The following HDAC1 variants were observed in gnomAD, a reference collection of about 807,000 sequenced individuals.
The protein encoded by HDAC1 is histone deacetylase 1, also known as protein deacetylase HDAC1.
In HDAC1, 18 loss-of-function variants were observed where a neutral mutation model predicts 65.5. That is an observed-to-expected ratio of 0.27 (90% CI 0.19 to 0.41). The LOEUF is 0.41. HDAC1 is among the 10% of genes least tolerant of loss of function. HDAC1 has a pLI of 1.00. For missense variants in HDAC1, 373 were observed against 625.2 expected (o/e 0.60, Z 4.30); for synonymous variants, 211 against 227.9 (o/e 0.93, Z 0.67).
intron 1 of HDAC1, 40 bp downstream of exon 1, chr1:32,292,258 G>C (rs1345851557): frequency 5.8e-6 from 9 of 1,546,480 alleles, no homozygotes; most frequent in East Asian, 2.4e-5. Flanking sequence ...GCCAGGCCGG[G>C]CCGGACCGGG....
intron 2 of HDAC1, among the ~76,000 whole-genome samples, chr1:32,306,117 ACAGTCCTCC>A (rs1473368513): frequency 6.6e-6 from 1 of 151,936 alleles, no homozygotes; most frequent in African/African-American, 2.4e-5. Context: ...ATCTGGTAGC[ACAGTCCTCC>A]CACTTTGTTC....
chr1:32,319,909 C>T (rs1247192385), intron 3 of HDAC1, among the ~76,000 whole-genome samples: 3 of 151,728 alleles, frequency 2.0e-5, no homozygotes, highest in Non-Finnish European at 4.4e-5. Flanking sequence ...AGCAAGAACT[C>T]GTCTCAATAA....
chr1:32,324,643 A>T, intron 4 of HDAC1, 90 bp downstream of exon 4: 2 of 875,386 alleles, frequency 2.3e-6, no homozygotes, highest in Non-Finnish European at 2.0e-6. Context: ...GGCTGATCTG[A>T]AACCATGTAG....
intron 1 of HDAC1, among the ~76,000 whole-genome samples, chr1:32,299,953 G>C (rs538079819): frequency 1.6e-4 from 25 of 152,290 alleles, no homozygotes; most frequent in African/African-American, 4.6e-4. Flanking sequence ...AGCTGCTTGG[G>C]AGGCTGAGGC....
rs889041428 is a variant in HDAC1 at position 32,330,995 on chromosome 1, C to T, written c.979+87C>T. The T allele has an allele frequency of 7.3e-6, 9 of 1,232,256 alleles. No individual in the cohort carries two copies. Among genetic ancestry groups the T allele is most frequent in the Non-Finnish European group, 1.1e-5 (9 of 850,376 alleles). The allele number at this position is 1,232,256 out of a possible 1,614,324, so 76.3% of individuals were successfully genotyped here. A position where few individuals can be genotyped will look rare whatever the true frequency, so the allele number is the denominator to read the frequency against. On this transcript the variant is annotated intron_variant, in intron 9 of 13. Transcript: ENST00000373548. This position sits in a 1 kb window ranked among gnomAD's most constrained non-coding sequence, Gnocchi z 4.2. ...AGTTTATAACCCCTTCCCCGTTGGT[C>T]ATATGACCGCTCCTCTTCTGATACT... is the stretch of plus-strand genomic sequence containing the variant.
At chr1:32,319,127 A>T (rs1355690573) in intron 3 of HDAC1, among the ~76,000 whole-genome samples, 1 of 152,202 alleles carries the variant, frequency 6.6e-6, no homozygotes, top group Non-Finnish European at 1.5e-5. Context: ...TCAAAAAAAA[A>T]AAATTCAGTC....
At position 32,330,244 on chromosome 1, in the gene HDAC1, A is replaced by C. The variant is rs1020199787; in HGVS notation, c.730-334A>C. 4.3e-5 allele frequency: 13 copies of C among 302,992 alleles called. No individual in the cohort carries two copies. The highest frequency in any genetic ancestry group is 8.2e-5 in the Non-Finnish European group (13 of 158,194). The allele number at this position is 302,992 out of a possible 1,614,324, so 18.8% of individuals were successfully genotyped here. On this transcript the variant is annotated intron_variant, in intron 7 of 13. Coordinates refer to ENST00000373548, the MANE Select transcript of HDAC1 (RefSeq NM_004964.3). The surrounding 1 kb of genome is among the most constrained non-coding windows in gnomAD (Gnocchi z 4.2). ...TTCAAGTCTGTAAGACCGAATGAGT[A>C]GAGTAGATGCAGCTAAAGGTCAGGA...
chr1:32,302,841 C>T (rs1640867879), intron 2 of HDAC1, 108 bp downstream of exon 2: 1 of 687,876 alleles, frequency 1.5e-6, no homozygotes, highest in Non-Finnish European at 2.7e-6. Flanking sequence ...TCATCAAATG[C>T]ATGTTGACTG....
intron 2 of HDAC1, among the ~76,000 whole-genome samples, chr1:32,309,462 G>A (rs1200877410): frequency 2.6e-5 from 4 of 151,992 alleles, no homozygotes; most frequent in Admixed American, 2.0e-4. Flanking sequence ...CGAGGCAGGC[G>A]GATCACCTGA....
Position 32,329,241 on chromosome 1 carries a change from C to A in HDAC1, c.729+81C>A. On this transcript the variant is annotated intron_variant, in intron 7 of 13. Coordinates refer to ENST00000373548, the MANE Select transcript of HDAC1 (RefSeq NM_004964.3). This position sits in a 1 kb window ranked among gnomAD's most constrained non-coding sequence, Gnocchi z 4.1. ...GGGGAGCAAAGCACCCCCACCATAC[C>A]TCAGGAATCTCTCCTTACTAAAGCT... 1.2e-6 allele frequency: 1 copy of A among 827,518 alleles called. No homozygotes were observed. 51.3% of individuals were successfully genotyped at this position (827,518 alleles called of 1,614,324 possible).
At chr1:32,315,824 G>A (rs1386867842) in intron 2 of HDAC1, among the ~76,000 whole-genome samples, 1 of 150,822 alleles carries the variant, frequency 6.6e-6, no homozygotes, top group African/African-American at 2.4e-5. Flanking sequence ...AAATTAGCCA[G>A]CGTCGTGGTG....
In HDAC1 at chr1:32,331,900, C is replaced by T. The variant is rs1641297203; in HGVS notation, c.1219+94C>T. The T allele has an allele frequency of 6.7e-7, 1 of 1,485,068 alleles. No individual in the cohort carries two copies. The highest frequency in any genetic ancestry group is 1.4e-5 in the African/African-American group (1 of 71,232). 92.0% of individuals were successfully genotyped at this position (1,485,068 alleles called of 1,614,324 possible). A position where few individuals can be genotyped will look rare whatever the true frequency, so the allele number is the denominator to read the frequency against. On this transcript the variant is annotated intron_variant, in intron 11 of 13. Transcript: ENST00000373548. The surrounding 1 kb of genome is among the most constrained non-coding windows in gnomAD (Gnocchi z 4.2). ...GGCTGCACACTCCCTCCAAGCTCCC[C>T]ACCTGTAGAGAAATCTGTTTTCGAG...
At chr1:32,310,184 T>G (rs181548732) in intron 2 of HDAC1, among the ~76,000 whole-genome samples, 1 of 152,266 alleles carries the variant, frequency 6.6e-6, no homozygotes, top group African/African-American at 2.4e-5. Context: ...CTCACCAGTG[T>G]TTTGTTTATG....
rs574258540 is a variant in HDAC1, at chr1:32,319,254, T to C, written c.280+2472T>C. On this transcript the variant is annotated intron_variant, in intron 3 of 13. Coordinates refer to ENST00000373548, the MANE Select transcript of HDAC1 (RefSeq NM_004964.3). The stretch of plus-strand genomic sequence containing the variant: ...ACCTGGTCTCTAAAAAAAATTTTTC[T>C]AATTAAAATAATTAGGTCTTGGATT... Among the ~76,000 whole-genome samples the C allele has an allele frequency of 3.3e-5, 5 of 152,274 alleles. No homozygotes were observed. The South Asian group carries it at 1.0e-3, about 32-fold the overall frequency.
At position 32,332,914 on chromosome 1, in the gene HDAC1, AG is replaced by A. The variant is rs1641316970; in HGVS notation, c.1422-102del. On this transcript the variant is annotated intron_variant, in intron 13 of 13. Coordinates refer to ENST00000373548, the MANE Select transcript of HDAC1 (RefSeq NM_004964.3). ...AGTTCTAGGCAGAGCTAGGAGCCCC[AG>A]CCCCCAGTAGTCACCTAGGATCCTG... 5 of 1,293,950 alleles carry A rather than the reference AG, an allele frequency of 3.9e-6. No homozygotes were observed. In the East Asian group the frequency reaches 1.2e-4, roughly 32 times the overall value. 80.2% of individuals were successfully genotyped at this position (1,293,950 alleles called of 1,614,324 possible). A position where few individuals can be genotyped will look rare whatever the true frequency, so the allele number is the denominator to read the frequency against.
intron 3 of HDAC1, among the ~76,000 whole-genome samples, chr1:32,323,657 C>T (rs1046693471): frequency 6.6e-6 from 1 of 152,122 alleles, no homozygotes; most frequent in African/African-American, 2.4e-5. Context: ...CTTAGCCTCC[C>T]GAAGTGCTGG....
At chr1:32,319,517 A>G (rs1436360279) in intron 3 of HDAC1, among the ~76,000 whole-genome samples, 1 of 152,058 alleles carries the variant, frequency 6.6e-6, no homozygotes, top group African/African-American at 2.4e-5. Context: ...TTTGTCATCC[A>G]GGGTACAGTA....
At chr1:32,317,527 C>T (rs936410461) in intron 3 of HDAC1, among the ~76,000 whole-genome samples, 6 of 152,132 alleles carry the variant, frequency 3.9e-5, no homozygotes, top group Non-Finnish European at 8.8e-5. Flanking sequence ...ATGGAAGTGT[C>T]AGAAAATATG....
rs1269824312 is a variant in HDAC1 at position 32,327,391 on chromosome 1, T to G, written c.495-145T>G. 1 of 718,658 alleles carries G rather than the reference T, an allele frequency of 1.4e-6. No homozygotes were observed. The highest frequency in any genetic ancestry group is 2.5e-5 in the East Asian group (1 of 40,436). The allele number at this position is 718,658 out of a possible 1,614,324, so 44.5% of individuals were successfully genotyped here. ...GCCTCTGGAGACACCCGGCCGCTCT[T>G]CCACCTTCCTTCAGCCAGTTTCCAC... On this transcript the variant is annotated intron_variant, in intron 5 of 13. Coordinates refer to ENST00000373548, the MANE Select transcript of HDAC1 (RefSeq NM_004964.3). The surrounding 1 kb of genome is among the most constrained non-coding windows in gnomAD (Gnocchi z 6.0).
Sources: gnomAD v4.1 joint callset for allele counts (sites outside exome capture counted in the v4.1 genomes callset) on GRCh38, gnomAD v4.1.1 for gene constraint, Gnocchi (gnomAD v3.1) non-coding constraint, MANE v1.5 for transcripts, NCBI Gene and HGNC (gene_info 2026-07-23, HGNC 2026-07-21) for gene names.